Variants in PDE6A observed in about 807,000 individuals in gnomAD.
The protein encoded by PDE6A is phosphodiesterase 6A, also known as rod cGMP-specific 3',5'-cyclic phosphodiesterase subunit alpha.
A neutral mutation model predicts 106.3 loss-of-function variants in PDE6A; 84 were observed. The observed-to-expected ratio is 0.79, with a 90% CI of 0.66 to 0.95. PDE6A has a LOEUF of 0.95. Among genes scored for constraint, PDE6A ranks in the 40% least tolerant of loss-of-function variants. The pLI is 0.00. For synonymous variants in PDE6A, 394 were observed against 386.6 expected, an observed-to-expected ratio of 1.02 and a Z score of -0.23; for missense variants, 1,052 against 1,084.9, an observed-to-expected ratio of 0.97 and a Z score of 0.43.
rs1448469925 is a variant in PDE6A at position 149,868,075 on chromosome 5, G to C, written c.2199+20C>G. ...CCAGTACTGGGATGCCCCTCCTCTT[G>C]GGTCAGCAGGAGTTCATACCTGGCT... On this transcript the variant is annotated intron_variant, in intron 18 of 21. Coordinates refer to ENST00000255266, the MANE Select transcript of PDE6A (RefSeq NM_000440.3). 6.8e-6 allele frequency: 11 copies of C among 1,612,002 alleles called. No homozygotes were observed. Among genetic ancestry groups the C allele is most frequent in the Middle Eastern group, 3.4e-4 (2 of 5,956 alleles).
At chr5:149,881,911 G>A (rs1237024236) in intron 17 of PDE6A, among the ~76,000 whole-genome samples, 3 of 151,840 alleles carry the variant, frequency 2.0e-5, no homozygotes, top group African/African-American at 7.3e-5. Context: ...AAATTAGCCA[G>A]GTATAGTGCG....
rs757521015 is a variant in PDE6A, at chr5:149,896,461, T to C, written c.1515A>G (p.Lys505=). Residue 505 remains lysine, a synonymous_variant, in exon 12 of 22, where the codon AAA becomes AAG. Transcript: ENST00000255266. ...LPDADKYEIN[K]FHFSDLPLTE... is the part of the protein sequence containing the mutation. ...TTAGGGGTAAGTCACTGAAGTGAAA[T>C]TTATTAATTTCGTATTTATCTGCAT... 1 of 1,614,164 alleles carries C rather than the reference T, an allele frequency of 6.2e-7. No homozygotes were observed. The highest frequency in any genetic ancestry group is 8.5e-7 in the Non-Finnish European group (1 of 1,180,016).
chr5:149,865,823 A>G (rs1760311586), intron 20 of PDE6A, among the ~76,000 whole-genome samples: 1 of 152,274 alleles, frequency 6.6e-6, no homozygotes, highest in Non-Finnish European at 1.5e-5. Context: ...GAGAAAGTCC[A>G]GATTATCTTT....
At chr5:149,892,492 C>T (rs1427475121) in intron 13 of PDE6A, among the ~76,000 whole-genome samples, 2 of 146,652 alleles carry the variant, frequency 1.4e-5, no homozygotes, top group Non-Finnish European at 1.5e-5. Context: ...TCTTTTCTTT[C>T]CTTTTTTTTT....
At chr5:149,922,072 T>C (rs1229534703) in intron 4 of PDE6A, among the ~76,000 whole-genome samples, 2 of 152,114 alleles carry the variant, frequency 1.3e-5, no homozygotes, top group African/African-American at 4.8e-5. Context: ...CCAAGCAGTA[T>C]CATTTATAGT....
At chr5:149,904,695 G>A (rs1383470094) in intron 7 of PDE6A, among the ~76,000 whole-genome samples, 2 of 152,088 alleles carry the variant, frequency 1.3e-5, no homozygotes, top group African/African-American at 4.8e-5. Flanking sequence ...GGCTGTACCT[G>A]CTCCTTCCTG....
intron 4 of PDE6A, among the ~76,000 whole-genome samples, chr5:149,928,436 C>A (rs1753934413): frequency 1.3e-5 from 2 of 151,148 alleles, no homozygotes; most frequent in South Asian, 4.2e-4. Flanking sequence ...CGGGGTTTCA[C>A]CATGTTGGTC....
Position 149,938,540 on chromosome 5 carries a change from C to T in PDE6A, c.475-3822G>A, listed in dbSNP as rs538001953. Among the ~76,000 whole-genome samples the T allele has an allele frequency of 6.6e-5, 10 of 152,172 alleles. No individual in the cohort carries two copies. The South Asian group carries it at 1.0e-3, about 16-fold the overall frequency. ...GCCAGGGGCCAGTGGTGAATAAGAT[C>T]GACAGGGACAGACAGACAGACCTCA... On this transcript the variant is annotated intron_variant, in intron 1 of 21. Transcript: ENST00000255266.
rs372061698 is a variant in PDE6A, at chr5:149,863,901, G to A, written c.2359-635C>T. On this transcript the variant is annotated intron_variant, in intron 20 of 21. Transcript: ENST00000255266. This position sits in a 1 kb window ranked among gnomAD's most constrained non-coding sequence, Gnocchi z 4.7. ...GGCTTCTCAAAGTGCTGGGATTACA[G>A]GCATGAGCCACCATGCTCAACCCAA... 2.6e-5 allele frequency among the ~76,000 whole-genome samples: 4 copies of A among 152,274 alleles called. No homozygotes were observed. The East Asian group carries it at 5.8e-4, about 22-fold the overall frequency.
chr5:149,919,772 T>C (rs1349191001), intron 5 of PDE6A, among the ~76,000 whole-genome samples: 2 of 152,194 alleles, frequency 1.3e-5, no homozygotes, highest in East Asian at 3.8e-4. Context: ...CAGATACCCA[T>C]GGAAATACAC....
In PDE6A at chr5:149,907,350, C is replaced by G; in HGVS notation, c.1027G>C (p.Val343Leu). The change falls in exon 7 of 22, where the codon GTA (valine) becomes CTA (leucine). Residue 343 changes from valine to leucine, a missense_variant. Around this residue, in one of 3 missense-constraint regions of PDE6A, gnomAD observed 913 missense variants for 915.2 expected, o/e 1.00. Transcript: ENST00000255266. Reference sequence around the variant, plus strand: ...GCAACATAAGCTGGGAGACCGCTTACTAAAGCCCAATGGTCAGGAGGTGGA... The same window carrying G: ...GCAACATAAGCTGGGAGACCGCTTAGTAAAGCCCAATGGTCAGGAGGTGGA... ...PNPPPDHWAL[V>L]SGLPAYVAQN... The G allele has an allele frequency of 6.2e-7, 1 of 1,614,076 alleles. No homozygotes were observed. Among genetic ancestry groups the G allele is most frequent in the Non-Finnish European group, 8.5e-7 (1 of 1,179,946 alleles).
At chr5:149,942,501 T>C (rs529083115) in intron 1 of PDE6A, among the ~76,000 whole-genome samples, 1 of 152,156 alleles carries the variant, frequency 6.6e-6, no homozygotes, top group South Asian at 2.1e-4. Flanking sequence ...CCATGAGAAA[T>C]ACCTGGGTAT....
chr5:149,875,267 C>T (rs529332048), intron 17 of PDE6A, among the ~76,000 whole-genome samples: 1 of 151,990 alleles, frequency 6.6e-6, no homozygotes, highest in Non-Finnish European at 1.5e-5. Context: ...TCCCTCAAGG[C>T]GCAGAACAGC....
At position 149,934,576 on chromosome 5, in the gene PDE6A, CT is replaced by C. The variant is rs1754131080; in HGVS notation, c.616del (p.Arg206GlufsTer15). The C allele has an allele frequency of 6.2e-7, 1 of 1,614,000 alleles. No individual in the cohort carries two copies. Among genetic ancestry groups the C allele is most frequent in the Admixed American group, 1.7e-5 (1 of 60,016 alleles). On this transcript the variant is annotated frameshift_variant, in exon 2 of 22. Coordinates refer to ENST00000255266, the MANE Select transcript of PDE6A (RefSeq NM_000440.3). LOFTEE classifies it high-confidence loss of function. ...CTAAAGCATTCTTACCTCTTCATCT[CT>C]CTTGGTGAAGTGGGATCCATCCACT... Reference protein sequence around the residue: ...NKVDGSHFTKRDEEILLKYLN... With the variant: ...NKVDGSHFTKXDEEILLKYLN...
chr5:149,927,971 G>T (rs1050126341), intron 4 of PDE6A, among the ~76,000 whole-genome samples: 1 of 151,426 alleles, frequency 6.6e-6, no homozygotes, highest in Non-Finnish European at 1.5e-5. Context: ...GTCTTCAGGG[G>T]CAAAAACACG....
chr5:149,887,199 A>G (rs190383263), intron 13 of PDE6A, among the ~76,000 whole-genome samples: 149 of 152,368 alleles, frequency 9.8e-4, no homozygotes, highest in African/African-American at 3.3e-3. Context: ...ATAGTGAAAG[A>G]TTGAAAAGAC....
At chr5:149,919,179 G>C (rs541673971) in intron 5 of PDE6A, among the ~76,000 whole-genome samples, 1 of 152,102 alleles carries the variant, frequency 6.6e-6, no homozygotes, top group South Asian at 2.1e-4. Context: ...TCCTACCCAG[G>C]GATTCCCACG....
rs1561729964 is a variant in PDE6A, at chr5:149,896,358, C to T, written c.1618G>A (p.Glu540Lys). The change falls in exon 12 of 22, where the codon GAG (glutamate) becomes AAG (lysine). Residue 540 changes from glutamate to lysine, a missense_variant and splice_region_variant. Glu to Lys is a moderately conservative substitution (Grantham distance 56). This residue lies in a region of PDE6A where 913 missense variants were observed against 915.2 expected (regional missense o/e 1.00). Transcript: ENST00000255266. ...ATATATATTTGTTTTGACCTCACCT[C>T]TTGTGGAATGTGAAATTTATCCACC... ...KVVDKFHIPQ[E>K]ALVRFMYSLS... 5.6e-6 allele frequency: 9 copies of T among 1,612,544 alleles called. No homozygotes were observed. The highest frequency in any genetic ancestry group is 7.6e-6 in the Non-Finnish European group (9 of 1,178,608).
In PDE6A at chr5:149,884,803, C is replaced by G; in HGVS notation, c.1903G>C (p.Gly635Arg). ...SILERHHLEF[G>R]KTLLRDESLN... is the part of the protein sequence containing the mutation. ...ACCTCGTCTCTGAGCAGTGTTTTGC[C>G]AAACTCCAAGTGGTGTCTTTCCAAG... The change falls in exon 15 of 22, where the codon GGC becomes CGC. Residue 635 changes from glycine to arginine, a missense_variant. Coordinates refer to ENST00000255266, the MANE Select transcript of PDE6A (RefSeq NM_000440.3). 1.2e-6 allele frequency: 2 copies of G among 1,614,120 alleles called. No individual in the cohort carries two copies. Among genetic ancestry groups the G allele is most frequent in the Non-Finnish European group, 1.7e-6 (2 of 1,180,000 alleles).
Sources: gnomAD v4.1 joint callset for allele counts (sites outside exome capture counted in the v4.1 genomes callset) on GRCh38, gnomAD v4.1.1 for gene constraint, gnomAD v4.1.1 regional missense constraint, Gnocchi (gnomAD v3.1) non-coding constraint, MANE v1.5 for transcripts, NCBI Gene and HGNC (gene_info 2026-07-23, HGNC 2026-07-21) for gene names.